The following KLF10 variants were observed in gnomAD, a reference collection of about 807,000 sequenced individuals.
KLF10 encodes Krueppel-like factor 10.
KLF10 carries 17 observed loss-of-function variants against 31.6 expected under a neutral mutation model. That is an observed-to-expected ratio of 0.54 (90% CI 0.37 to 0.81). KLF10 has a LOEUF of 0.81. Ranked by LOEUF, KLF10 falls within the 30% of genes least tolerant of loss-of-function variation. The pLI, the probability that KLF10 is intolerant of heterozygous loss-of-function variation, is 0.00. For missense variants in KLF10, 525 were observed against 598.1 expected (o/e 0.88, Z 1.27); for synonymous variants, 239 against 215.1 (o/e 1.11, Z -0.97).
rs1231583812 is a variant in KLF10 at position 102,652,365 on chromosome 8, T to C, written c.69A>G (p.Pro23=). The change falls in exon 2 of 4, where the codon CCA becomes CCG. Residue 23 remains proline (P), a synonymous_variant. Transcript: ENST00000285407. ...TGTTCCAGGAATACATACTCTCTTT[T>C]GGCCTTTCAGAAATCATTTCCATTC... ...EERMEMISER[P]KESMYSWNKT... 2.0e-5 allele frequency: 32 copies of C among 1,603,710 alleles called. No individual in the cohort carries two copies. The highest frequency in any genetic ancestry group is 3.4e-5 in the Admixed American group (2 of 59,426).
chr8:102,652,267 A>G lies in KLF10; in HGVS notation c.167T>C (p.Phe56Ser). The G allele has an allele frequency of 6.2e-7, 1 of 1,613,634 alleles. No individual in the cohort carries two copies. Among genetic ancestry groups the G allele is most frequent in the Non-Finnish European group, 8.5e-7 (1 of 1,179,710 alleles). ...MSMSCSWKSD[F>S]KKYVENRPVT... ...AGGTCTGTTTTCAACGTATTTCTTAAAATCAGACTTCCAACTGCAGCTCAT... is the reference window on the plus strand; with the variant it reads ...AGGTCTGTTTTCAACGTATTTCTTAGAATCAGACTTCCAACTGCAGCTCAT... The change falls in exon 2 of 4, where the codon TTT becomes TCT. Residue 56 changes from phenylalanine (F) to serine (S), a missense_variant. Phe to Ser is a radical substitution (Grantham distance 155). Coordinates refer to ENST00000285407, the MANE Select transcript of KLF10 (RefSeq NM_005655.4).
At chr8:102,653,211 T>C (rs1827259432) in intron 1 of KLF10, among the ~76,000 whole-genome samples, 1 of 152,240 alleles carries the variant, frequency 6.6e-6, no homozygotes, top group Non-Finnish European at 1.5e-5. Context: ...TTTGACACAA[T>C]GGTTTGCCAT....
At chr8:102,653,442 T>C (rs1487246762) in intron 1 of KLF10, 7 of 1,534,770 alleles carry the variant, frequency 4.6e-6, no homozygotes, top group Middle Eastern at 1.7e-4. Flanking sequence ...TTCTTTGAAC[T>C]ACGCTAAAAA....
Position 102,651,294 on chromosome 8 carries a change from AG to A in KLF10, c.1037del (p.Pro346LeufsTer21). On this transcript the variant is annotated frameshift_variant, in exon 3 of 4. Coordinates refer to ENST00000285407, the MANE Select transcript of KLF10 (RefSeq NM_005655.4). LOFTEE classifies it high-confidence loss of function. ...CTGCTGAAGGGGAAAACCCAGGAGC[AG>A]GGGCAATGGGAGAGAGTCTGGTGCC... is the stretch of plus-strand genomic sequence containing the variant. ...PNGTRLSPIA[P>X]APGFSPSAAK... 2 of 1,607,456 alleles carry A rather than the reference AG, an allele frequency of 1.2e-6. No homozygotes were observed. Among genetic ancestry groups the A allele is most frequent in the South Asian group, 1.1e-5 (1 of 90,010 alleles).
At chr8:102,653,440 A>G (rs1051072813) in intron 1 of KLF10, 50 of 1,533,352 alleles carry the variant, frequency 3.3e-5, no homozygotes, top group Non-Finnish European at 4.3e-5. Context: ...AGTTCTTTGA[A>G]CTACGCTAAA....
At chr8:102,653,653 TCG>T in intron 1 of KLF10, 7 of 1,320,450 alleles carry the variant, frequency 5.3e-6, no homozygotes, top group Admixed American at 3.9e-5. Flanking sequence ...TCTTGAAATA[TCG>T]CTAACAATAT....
chr8:102,652,470 ATTTTTTT>A (rs10639139), intron 1 of KLF10, 73 bp from the exon 2 acceptor site: 47 of 489,954 alleles, frequency 9.6e-5, no homozygotes, highest in Non-Finnish European at 1.4e-4. Context: ...AAATGAGCAA[ATTTTTTT>A]TTTTTTTTTT....
At chr8:102,653,830 G>A (rs193039494) in intron 1 of KLF10, 12 of 1,023,650 alleles carry the variant, frequency 1.2e-5, no homozygotes, top group Non-Finnish European at 1.4e-5. Flanking sequence ...GGGGAGGAAA[G>A]GGAGTGGGGC....
rs756513159 is a variant in KLF10, at chr8:102,651,847, G to A, written c.485C>T (p.Ala162Val). ...ATSVIRHTAD[A>V]QLCNHQTCPM... ...GCAGGTCTGGTGGTTACATAGCTGG[G>A]CATCAGCTGTATGACGAATCACACT... is the stretch of plus-strand genomic sequence containing the variant. The change falls in exon 3 of 4, where the codon GCC becomes GTC. Residue 162 changes from alanine (A) to valine (V), a missense_variant. Ala to Val is a moderately conservative substitution (Grantham distance 64, BLOSUM62 0). This residue lies in a region of KLF10 where 434 missense variants were observed against 450.7 expected (regional missense o/e 0.96). Transcript: ENST00000285407. The A allele has an allele frequency of 6.2e-7, 1 of 1,614,138 alleles. No homozygotes were observed. The highest frequency in any genetic ancestry group is 8.5e-7 in the Non-Finnish European group (1 of 1,179,996).
chr8:102,651,819 T>C lies in KLF10; in HGVS notation c.513A>G (p.Pro171=), dbSNP rs1349031184. ...AGTTGAGGATGCTGGCTGCTTTCAT[T>C]GGGCAGGTCTGGTGGTTACATAGCT... The part of the protein sequence containing the change: ...DAQLCNHQTC[P]MKAASILNYQ... The change falls in exon 3 of 4, where the codon CCA becomes CCG. Residue 171 remains proline (P), a synonymous_variant. Coordinates refer to ENST00000285407, the MANE Select transcript of KLF10 (RefSeq NM_005655.4). The C allele has an allele frequency of 1.2e-6, 2 of 1,614,136 alleles. No homozygotes were observed. The highest frequency in any genetic ancestry group is 2.7e-5 in the African/African-American group (2 of 74,942).
chr8:102,650,435 G>A lies in KLF10; in HGVS notation c.1184-44C>T, dbSNP rs182033844. 5.3e-5 allele frequency: 83 copies of A among 1,571,172 alleles called. 1 individual carries two copies. Among genetic ancestry groups the A allele is most frequent in the South Asian group, 3.3e-4 (29 of 87,028 alleles). On this transcript the variant is annotated intron_variant, in intron 3 of 3. Coordinates refer to ENST00000285407, the MANE Select transcript of KLF10 (RefSeq NM_005655.4). Reference sequence around the variant, plus strand: ...AATCATTATTATGCATAAGATTGCCGTAAATTATATGTTCAATTCTGTCTA... The same window carrying A: ...AATCATTATTATGCATAAGATTGCCATAAATTATATGTTCAATTCTGTCTA...
chr8:102,653,916 G>C (rs891069393), intron 1 of KLF10: 1 of 986,042 alleles, frequency 1.0e-6, no homozygotes, highest in African/African-American at 1.8e-5. Flanking sequence ...GACGGCGGGG[G>C]AGATCCTAGC....
intron 1 of KLF10, chr8:102,654,523 C>T (rs1827311801): frequency 6.6e-6 from 1 of 151,838 alleles, no homozygotes; most frequent in African/African-American, 2.4e-5. Context: ...CCCGCGGAAA[C>T]CCGGCCGCCG....
rs1289007816 is a variant in KLF10 at position 102,648,851 on chromosome 8, A to G, written c.*1281T>C. The G allele has an allele frequency of 6.6e-6, 1 of 152,668 alleles. No homozygotes were observed. Among genetic ancestry groups the G allele is most frequent in the Non-Finnish European group, 1.5e-5 (1 of 68,032 alleles). The allele number at this position is 152,668 out of a possible 1,614,324, so 9.5% of individuals were successfully genotyped here. A position where few individuals can be genotyped will look rare whatever the true frequency, so the allele number is the denominator to read the frequency against. ...ACAAAAGAAATATTGTGCAAATTGT[A>G]AGTCACAAGGATTTTTTTTAATTAA... is the stretch of plus-strand genomic sequence containing the variant. On this transcript the variant is annotated 3_prime_UTR_variant, in exon 4 of 4. Coordinates refer to ENST00000285407, the MANE Select transcript of KLF10 (RefSeq NM_005655.4).
At chr8:102,653,773 C>A in intron 1 of KLF10, 1 of 1,093,358 alleles carries the variant, frequency 9.1e-7, no homozygotes, top group Non-Finnish European at 1.1e-6. Flanking sequence ...AGGCAGGCGG[C>A]AGGGAAAGAG....
intron 1 of KLF10, chr8:102,654,041 G>C (rs1410208904): frequency 6.3e-6 from 6 of 954,158 alleles, no homozygotes; most frequent in Non-Finnish European, 6.2e-6. Context: ...CCATTGGCCG[G>C]CCGGCTCGGC....
intron 1 of KLF10, among the ~76,000 whole-genome samples, chr8:102,653,148 A>T (rs1827257968): frequency 6.6e-6 from 1 of 152,212 alleles, no homozygotes; most frequent in African/African-American, 2.4e-5. Flanking sequence ...TCTAATGTTT[A>T]TTTTAATTAA....
intron 1 of KLF10, among the ~76,000 whole-genome samples, chr8:102,654,586 CGCCCACGCG>C (rs1222513455): frequency 6.6e-6 from 1 of 152,040 alleles, no homozygotes; most frequent in Non-Finnish European, 1.5e-5. Context: ...CGGCACTTCC[CGCCCACGCG>C]GCCCACGGGA....
At chr8:102,653,547 A>T in intron 1 of KLF10, 1 of 1,489,010 alleles carries the variant, frequency 6.7e-7, no homozygotes, top group South Asian at 1.4e-5. Flanking sequence ...AAATACCAAA[A>T]AACATTCTTT....
Sources: allele counts gnomAD v4.1 joint callset (sites outside exome capture counted in the v4.1 genomes callset), GRCh38; gene constraint gnomAD v4.1.1; regional missense constraint gnomAD v4.1.1; transcripts MANE v1.5; gene names NCBI Gene and HGNC (gene_info 2026-07-23, HGNC 2026-07-21).